The following BTBD9 variants were observed in gnomAD, a reference collection of about 807,000 sequenced individuals.
BTBD9 encodes BTB domain containing 9.
A neutral mutation model predicts 64.3 loss-of-function variants in BTBD9; 49 were observed. That is an observed-to-expected ratio of 0.76 (90% CI 0.61 to 0.97). The LOEUF (loss-of-function observed/expected upper bound fraction) is 0.97, where lower values mean the gene tolerates loss of function less well. Ranked by LOEUF, BTBD9 falls within the 50% of genes least tolerant of loss-of-function variation. The probability of loss-of-function intolerance (pLI) is 0.00; values close to 1 mark genes in which losing one functional copy is unlikely to be tolerated. For synonymous variants in BTBD9, 260 were observed against 274.7 expected (o/e 0.95, Z 0.53); for missense variants, 598 against 762.1 (o/e 0.78, Z 2.53).
chr6:38,376,703 G>C (rs1392396815), intron 6 of BTBD9, among the ~76,000 whole-genome samples: 1 of 152,096 alleles, frequency 6.6e-6, no homozygotes, highest in Non-Finnish European at 1.5e-5. Context: ...TATGTACAAA[G>C]AAAACTGGAG....
chr6:38,481,128 C>T (rs1022714110), intron 6 of BTBD9, among the ~76,000 whole-genome samples: 10 of 151,480 alleles, frequency 6.6e-5, no homozygotes, highest in Admixed American at 3.3e-4. Flanking sequence ...TTTATTCTAA[C>T]GTGAGAGGAG....
At chr6:38,466,458 A>G (rs1181806835) in intron 6 of BTBD9, among the ~76,000 whole-genome samples, 1 of 151,564 alleles carries the variant, frequency 6.6e-6, no homozygotes, top group Non-Finnish European at 1.5e-5. Context: ...CGCCTGACTA[A>G]TTTTGCATTT....
intron 6 of BTBD9, among the ~76,000 whole-genome samples, chr6:38,526,497 T>C (rs1233950445): frequency 2.0e-5 from 3 of 152,208 alleles, no homozygotes; most frequent in Non-Finnish European, 4.4e-5. Context: ...CACTACCTAG[T>C]GGAGCTTTAA....
chr6:38,224,416 T>C (rs1449659400), intron 9 of BTBD9, among the ~76,000 whole-genome samples: 1 of 152,222 alleles, frequency 6.6e-6, no homozygotes, highest in Non-Finnish European at 1.5e-5. Flanking sequence ...CATCTCATTA[T>C]GATGAGAAAG....
intron 6 of BTBD9, among the ~76,000 whole-genome samples, chr6:38,445,603 C>T (rs1769240157): frequency 1.3e-5 from 2 of 152,158 alleles, no homozygotes; most frequent in Admixed American, 1.3e-4. Flanking sequence ...GTTTATGAAA[C>T]ACATTCCTAA....
intron 6 of BTBD9, among the ~76,000 whole-genome samples, chr6:38,347,063 C>T (rs901953853): frequency 6.6e-6 from 1 of 152,166 alleles, no homozygotes; most frequent in Admixed American, 6.5e-5. Context: ...CAATAACCTT[C>T]CTTCCCTCCT....
At chr6:38,460,059 G>A (rs1324053720) in intron 6 of BTBD9, among the ~76,000 whole-genome samples, 1 of 152,174 alleles carries the variant, frequency 6.6e-6, no homozygotes, top group Non-Finnish European at 1.5e-5. Flanking sequence ...CTATTTAACA[G>A]AGTGGGAAGT....
chr6:38,240,211 C>G (rs1367325271), intron 9 of BTBD9, among the ~76,000 whole-genome samples: 1 of 152,200 alleles, frequency 6.6e-6, no homozygotes, highest in East Asian at 1.9e-4. Context: ...GCTGCCTACT[C>G]CCATAAATGT....
At chr6:38,219,251 C>T (rs1376524424) in intron 9 of BTBD9, among the ~76,000 whole-genome samples, 1 of 150,324 alleles carries the variant, frequency 6.7e-6, no homozygotes, top group African/African-American at 2.5e-5. Context: ...TCCCCCACCT[C>T]AGCCTCCTGA....
chr6:38,251,900 A>C (rs1326223232), intron 9 of BTBD9, among the ~76,000 whole-genome samples: 1 of 152,104 alleles, frequency 6.6e-6, no homozygotes, highest in East Asian at 1.9e-4. Context: ...TCAAAAAAAA[A>C]AAAAAAAAGT....
intron 7 of BTBD9, among the ~76,000 whole-genome samples, chr6:38,296,154 T>C (rs573472830): frequency 9.2e-5 from 14 of 152,368 alleles, no homozygotes; most frequent in Admixed American, 7.8e-4. Flanking sequence ...AATTTTAAAG[T>C]AATTGTAAAT....
At chr6:38,280,797 T>C (rs530041320) in intron 8 of BTBD9, among the ~76,000 whole-genome samples, 1 of 152,340 alleles carries the variant, frequency 6.6e-6, no homozygotes, top group East Asian at 1.9e-4. Flanking sequence ...TTTCCTCACA[T>C]ACACTTAGAT....
intron 6 of BTBD9, among the ~76,000 whole-genome samples, chr6:38,546,611 T>C (rs920836285): frequency 1.3e-5 from 2 of 152,248 alleles, no homozygotes; most frequent in Non-Finnish European, 2.9e-5. Context: ...TCAGTAACTC[T>C]TGCAATATTT....
At chr6:38,625,954 A>G (rs1778147532) in intron 1 of BTBD9, among the ~76,000 whole-genome samples, 1 of 152,216 alleles carries the variant, frequency 6.6e-6, no homozygotes, top group African/African-American at 2.4e-5. Flanking sequence ...CTGACAACAA[A>G]TTACACTCCA....
At chr6:38,480,884 G>C (rs1771109821) in intron 6 of BTBD9, among the ~76,000 whole-genome samples, 2 of 152,226 alleles carry the variant, frequency 1.3e-5, no homozygotes, top group Non-Finnish European at 2.9e-5. Context: ...GACACTAAGA[G>C]ATAGTGGGTA....
intron 6 of BTBD9, among the ~76,000 whole-genome samples, chr6:38,575,990 C>T (rs1462454322): frequency 6.6e-6 from 1 of 152,126 alleles, no homozygotes; most frequent in Admixed American, 6.5e-5. Context: ...ATCAAAGGCA[C>T]GTTTCCATAC....
intron 6 of BTBD9, among the ~76,000 whole-genome samples, chr6:38,530,616 A>T (rs570862903): frequency 1.1e-4 from 11 of 97,384 alleles, no homozygotes; most frequent in African/African-American, 3.0e-4. Flanking sequence ...GGTTCCCCCA[A>T]TACTCACAAA....
rs74417012 is a variant in BTBD9 at position 38,197,558 on chromosome 6, A to G, written c.1563-4961T>C. ...ATAAGGTGGCCTCAGGTAAGTGACC[A>G]TCCGCTAAAGTCTCCGTTTCCCGTG... On this transcript the variant is annotated intron_variant, in intron 9 of 10. Transcript: ENST00000481247. Among the ~76,000 whole-genome samples, 900 of 152,326 alleles carry G rather than the reference A, an allele frequency of 5.9e-3. 8 individuals are homozygous for G. The highest frequency in any genetic ancestry group is 0.02 in the African/African-American group (845 of 41,574).
chr6:38,600,118 G>A (rs1370215970), intron 1 of BTBD9, among the ~76,000 whole-genome samples: 1 of 152,186 alleles, frequency 6.6e-6, no homozygotes, highest in Middle Eastern at 3.2e-3. Flanking sequence ...GTCTTAATGT[G>A]TACACACAAC....
Sources: allele counts gnomAD v4.1 joint callset (sites outside exome capture counted in the v4.1 genomes callset), GRCh38; gene constraint gnomAD v4.1.1; transcripts MANE v1.5; gene names NCBI Gene and HGNC (gene_info 2026-07-23, HGNC 2026-07-21).